SLC16A3: variants seen among roughly 807,000 people sequenced by gnomAD.
The protein encoded by SLC16A3 is monocarboxylate transporter 4.
SLC16A3 carries 22 observed loss-of-function variants against 25.0 expected under a neutral mutation model. That is an observed-to-expected ratio of 0.88 (90% CI 0.63 to 1.26). The LOEUF (loss-of-function observed/expected upper bound fraction) is 1.26, where lower values mean the gene tolerates loss of function less well. SLC16A3 is among the 50% of genes most tolerant of loss of function. The probability of loss-of-function intolerance (pLI) is 0.00; values close to 1 mark genes in which losing one functional copy is unlikely to be tolerated. For missense variants in SLC16A3, 731 were observed against 666.6 expected, an observed-to-expected ratio of 1.10 and a Z score of -1.06; for synonymous variants, 390 against 309.2, an observed-to-expected ratio of 1.26 and a Z score of -2.74.
At chr17:82,231,317 C>T (rs1397049212) in intron 1 of SLC16A3, 2 of 152,252 alleles carry the variant, frequency 1.3e-5, no homozygotes, top group Admixed American at 1.3e-4. Flanking sequence ...GGGGCCTCTC[C>T]TGGCGAGGGT....
At chr17:82,219,110 C>T (rs1297960227) in intron 1 of SLC16A3, among the ~76,000 whole-genome samples, 1 of 152,040 alleles carries the variant, frequency 6.6e-6, no homozygotes, top group Admixed American at 6.5e-5. Flanking sequence ...CAGGTGTGGG[C>T]AGGGAGGAGA....
chr17:82,227,278 C>G (rs137895939), upstream of SLC16A3, among the ~76,000 whole-genome samples: 4 of 152,184 alleles, frequency 2.6e-5, no homozygotes, highest in South Asian at 8.3e-4. Context: ...CCCAGGCTCT[C>G]TGGCTCTGTC....
chr17:82,232,715 GCATGGCTGTGGGA>G (rs573596801), intron 1 of SLC16A3, among the ~76,000 whole-genome samples: 56 of 152,294 alleles, frequency 3.7e-4, no homozygotes, highest in African/African-American at 1.3e-3. Context: ...TTGGGAGGGC[GCATGGCTGTGGGA>G]CGCAGGGTCT....
In SLC16A3 at chr17:82,239,850, T is replaced by A. The variant is rs918138112; in HGVS notation, c.*874T>A. The A allele has an allele frequency of 4.0e-6, 2 of 499,100 alleles. No homozygotes were observed. Among genetic ancestry groups the A allele is most frequent in the East Asian group, 3.5e-5 (1 of 28,424 alleles). 30.9% of individuals were successfully genotyped at this position (499,100 alleles called of 1,614,324 possible). A position where few individuals can be genotyped will look rare whatever the true frequency, so the allele number is the denominator to read the frequency against. On this transcript the variant is annotated 3_prime_UTR_variant, in exon 5 of 5. Transcript: ENST00000582743. The stretch of plus-strand genomic sequence containing the variant: ...GTGGTCAGTGCCCAGGGCTGGTCTT[T>A]GCACCCTGTCCTCCATCCAGCCCGG...
At chr17:82,238,129 GC>G (rs1224845245) in intron 4 of SLC16A3, among the ~76,000 whole-genome samples, 1 of 152,144 alleles carries the variant, frequency 6.6e-6, no homozygotes, top group Admixed American at 6.5e-5. Flanking sequence ...TAGGGGCTGG[GC>G]CCGGGGGGGG....
At chr17:82,233,129 G>A (rs1027778631) in intron 1 of SLC16A3, among the ~76,000 whole-genome samples, 4 of 152,150 alleles carry the variant, frequency 2.6e-5, no homozygotes, top group Non-Finnish European at 4.4e-5. Flanking sequence ...CCCCTTCCCC[G>A]TACTCTACCT....
rs376551669 is a variant in SLC16A3, at chr17:82,237,643, G to A, written c.873G>A (p.Arg291=). ...AGFVAGLGKV[R]PYSVYLFSFS... The stretch of plus-strand genomic sequence containing the variant: ...TCGTGGCGGGGCTTGGGAAGGTGCG[G>A]CCCTACTCCGTCTACCTCTTCAGCT... Residue 291 remains arginine, a synonymous_variant, in exon 4 of 5, where the codon CGG becomes CGA. Transcript: ENST00000582743. 1.2e-6 allele frequency: 2 copies of A among 1,612,806 alleles called. No homozygotes were observed. Among genetic ancestry groups the A allele is most frequent in the African/African-American group, 1.3e-5 (1 of 74,932 alleles).
At chr17:82,226,954 G>T (rs1384612858), upstream of SLC16A3, among the ~76,000 whole-genome samples, 1 of 151,750 alleles carries the variant, frequency 6.6e-6, no homozygotes, top group Non-Finnish European at 1.5e-5. Context: ...TGACCACTCT[G>T]TGGTCTTCCA....
chr17:82,238,328 G>A (rs1197388855), intron 4 of SLC16A3, among the ~76,000 whole-genome samples: 3 of 152,204 alleles, frequency 2.0e-5, no homozygotes, highest in African/African-American at 7.2e-5. Flanking sequence ...GGCTTGGGGA[G>A]GGCTCATGTC....
intron 4 of SLC16A3, 66 bp downstream of exon 4, chr17:82,237,959 G>A (rs1351362783): frequency 1.9e-6 from 3 of 1,542,132 alleles, no homozygotes; most frequent in Non-Finnish European, 2.6e-6. Context: ...GCTTTGCGAG[G>A]GGGGGGACGC....
At chr17:82,228,771 C>T (rs1364951129), upstream of SLC16A3, among the ~76,000 whole-genome samples, 1 of 151,908 alleles carries the variant, frequency 6.6e-6, no homozygotes, top group East Asian at 1.9e-4. Flanking sequence ...CCGGGGGAGG[C>T]GAGGCCGGGA....
At position 82,237,956 on chromosome 17, in the gene SLC16A3, G is replaced by C. The variant is rs893602609; in HGVS notation, c.1123+63G>C. 5 of 1,546,492 alleles carry C rather than the reference G, an allele frequency of 3.2e-6. No homozygotes were observed. In the African/African-American group the frequency reaches 4.1e-5, roughly 13 times the overall value. Reference sequence around the variant, plus strand: ...CCTTCCCGTCAGACGCCCGCTTTGCGAGGGGGGGGACGCGCACCCCTCGGC... The same window carrying C: ...CCTTCCCGTCAGACGCCCGCTTTGCCAGGGGGGGGACGCGCACCCCTCGGC... On this transcript the variant is annotated intron_variant, in intron 4 of 4. Transcript: ENST00000582743.
intron 4 of SLC16A3, 79 bp from the exon 5 acceptor site, chr17:82,238,623 G>A (rs981459986): frequency 3.4e-5 from 49 of 1,427,454 alleles, no homozygotes; most frequent in South Asian, 1.0e-4. Context: ...CTGAGACACC[G>A]AGACACAGGC....
At position 82,222,327 on chromosome 17, in the gene SLC16A3, G is replaced by A. The variant is rs563796335; in HGVS notation, c.-27+4143G>A. 3.9e-5 allele frequency among the ~76,000 whole-genome samples: 6 copies of A among 152,304 alleles called. No individual in the cohort carries two copies. In the South Asian group the frequency reaches 1.0e-3, roughly 26 times the overall value. ...TGTCGCCCTGGGACCCAGCAACTCC[G>A]CTCCTACATTCACACCAAAGAGAAA... On this transcript the variant is annotated intron_variant, in intron 1 of 4. Transcript: ENST00000580098.
Position 82,239,420 on chromosome 17 carries a change from G to A in SLC16A3, c.*444G>A. On this transcript the variant is annotated 3_prime_UTR_variant, in exon 5 of 5. Transcript: ENST00000582743. ...GCCCACCCCTCTTGAGTGTCTTGGG[G>A]ACAGCTCTTTCCACCCCTGGAAGAT... 1.2e-5 allele frequency: 2 copies of A among 173,282 alleles called. No homozygotes were observed. Among genetic ancestry groups the A allele is most frequent in the Non-Finnish European group, 2.4e-5 (2 of 82,436 alleles). The allele number at this position is 173,282 out of a possible 1,614,324, so 10.7% of individuals were successfully genotyped here.
At position 82,237,589 on chromosome 17, in the gene SLC16A3, T is replaced by C. The variant is rs748213848; in HGVS notation, c.819T>C (p.Ile273=). 29 of 1,612,348 alleles carry C rather than the reference T, an allele frequency of 1.8e-5. No homozygotes were observed. The South Asian group carries it at 3.0e-4, about 16-fold the overall frequency. The change falls in exon 4 of 5, where the codon ATT becomes ATC. Residue 273 remains isoleucine, a synonymous_variant. Coordinates refer to ENST00000582743, the MANE Select transcript of SLC16A3 (RefSeq NM_004207.4). ...AAFLLTILGF[I]DIFARPAAGF... ...TCCTGCTCACCATCCTGGGCTTCAT[T>C]GACATCTTCGCGCGGCCGGCCGCGG...
At chr17:82,238,153 G>T (rs2050663460) in intron 4 of SLC16A3, among the ~76,000 whole-genome samples, 1 of 152,236 alleles carries the variant, frequency 6.6e-6, no homozygotes, top group Middle Eastern at 3.2e-3. Flanking sequence ...AGCTCCTCCA[G>T]GCTCTGCCTG....
intron 4 of SLC16A3, 85 bp from the exon 5 acceptor site, chr17:82,238,617 G>A: frequency 7.2e-7 from 1 of 1,380,730 alleles, no homozygotes; most frequent in Non-Finnish European, 9.7e-7. Context: ...TGCGTGCTGA[G>A]ACACCGAGAC....
chr17:82,223,104 G>A (rs918587580), intron 1 of SLC16A3, among the ~76,000 whole-genome samples: 4 of 152,216 alleles, frequency 2.6e-5, no homozygotes, highest in Non-Finnish European at 4.4e-5. Flanking sequence ...GGACAACAAC[G>A]TGAGCACGTC....
Sources: gnomAD v4.1 joint callset for allele counts (sites outside exome capture counted in the v4.1 genomes callset) on GRCh38, gnomAD v4.1.1 for gene constraint, MANE v1.5 for transcripts, NCBI Gene and HGNC (gene_info 2026-07-23, HGNC 2026-07-21) for gene names.